The following MREG variants were observed in gnomAD, a reference collection of about 807,000 sequenced individuals.
The protein encoded by MREG is dilute suppressor protein homolog.
Under a neutral mutation model 28.5 loss-of-function variants are expected in MREG, and 31 were observed. The ratio of observed to expected loss-of-function variants is 1.09; its 90% CI spans 0.82 to 1.47. The LOEUF (loss-of-function observed/expected upper bound fraction) is 1.47. MREG is among the 40% of genes most tolerant of loss of function. The pLI is 0.00. For synonymous variants in MREG, 106 were observed against 95.2 expected, an observed-to-expected ratio of 1.11 and a Z score of -0.66; for missense variants, 256 against 257.4, an observed-to-expected ratio of 0.99 and a Z score of 0.04.
intron 2 of MREG, among the ~76,000 whole-genome samples, chr2:215,983,027 C>A (rs930233762): frequency 1.3e-5 from 2 of 152,170 alleles, no homozygotes; most frequent in African/African-American, 4.8e-5. Context: ...ATCCTCTAAA[C>A]CCAAATAGTC....
chr2:215,999,810 G>T (rs1024408250), intron 1 of MREG, among the ~76,000 whole-genome samples: 3 of 152,196 alleles, frequency 2.0e-5, no homozygotes, highest in Admixed American at 6.5e-5. Context: ...CGGCTGACAT[G>T]ATGAGCCTGC....
chr2:215,947,425 C>A (rs1692350765), intron 2 of MREG, among the ~76,000 whole-genome samples: 1 of 152,132 alleles, frequency 6.6e-6, no homozygotes, highest in African/African-American at 2.4e-5. Context: ...ATAAATATTC[C>A]ATTTAAGAAT....
intron 1 of MREG, among the ~76,000 whole-genome samples, chr2:216,010,331 G>C (rs1268639697): frequency 6.9e-6 from 1 of 145,586 alleles, no homozygotes; most frequent in African/African-American, 2.6e-5. Context: ...TTGGCTTCTA[G>C]AACTGTGAAA....
chr2:216,013,335 G>C lies in MREG; in HGVS notation c.-8C>G. The C allele has an allele frequency of 1.3e-6, 2 of 1,518,898 alleles. No homozygotes were observed. Among genetic ancestry groups the C allele is most frequent in the Non-Finnish European group, 1.8e-6 (2 of 1,133,464 alleles). 94.1% of individuals were successfully genotyped at this position (1,518,898 alleles called of 1,614,324 possible). The stretch of plus-strand genomic sequence containing the variant: ...CCAGTCCCTCAGCCCCATGGAGAGC[G>C]AGGGCCCCCACCGGCGCCGGAAGCC... On this transcript the variant is annotated 5_prime_UTR_variant, in exon 1 of 5. Coordinates refer to ENST00000263268, the MANE Select transcript of MREG (RefSeq NM_018000.3).
chr2:215,962,427 T>C (rs1469186979), intron 2 of MREG, among the ~76,000 whole-genome samples: 1 of 152,350 alleles, frequency 6.6e-6, no homozygotes, highest in East Asian at 1.9e-4. Context: ...ATTTTCCATG[T>C]GATATTGTTA....
intron 1 of MREG, among the ~76,000 whole-genome samples, chr2:216,024,470 C>T (rs897144732): frequency 2.0e-5 from 3 of 151,890 alleles, no homozygotes; most frequent in South Asian, 2.1e-4. Flanking sequence ...AAGGACGCCC[C>T]GTGCCCTCTC....
At chr2:215,997,138 GTT>G (rs1693895688) in intron 1 of MREG, among the ~76,000 whole-genome samples, 1 of 152,164 alleles carries the variant, frequency 6.6e-6, no homozygotes, top group Non-Finnish European at 1.5e-5. Flanking sequence ...AGGGATGAAT[GTT>G]TGACTGGCTC....
chr2:215,991,754 A>G (rs1483959231), intron 2 of MREG, among the ~76,000 whole-genome samples: 1 of 152,228 alleles, frequency 6.6e-6, no homozygotes, highest in East Asian at 1.9e-4. Flanking sequence ...CCCGTCAGAA[A>G]ATACTATAAA....
chr2:216,004,224 C>G (rs974878000), intron 1 of MREG, among the ~76,000 whole-genome samples: 9 of 152,232 alleles, frequency 5.9e-5, no homozygotes, highest in African/African-American at 2.2e-4. Context: ...ACCTCCTCAA[C>G]AAGGCCTGCC....
intron 2 of MREG, among the ~76,000 whole-genome samples, chr2:215,948,061 A>T (rs770927116): frequency 5.3e-5 from 8 of 152,218 alleles, no homozygotes; most frequent in African/African-American, 1.9e-4. Context: ...CATCATTCTA[A>T]ATGCTCAATT....
chr2:215,986,144 T>G lies in MREG; in HGVS notation c.255+10162A>C, dbSNP rs74848022. ...AACGTCTTTACATATCAATAGCTCA[T>G]AGGCATATTTTATTTTATTTTAAGC... On this transcript the variant is annotated intron_variant, in intron 2 of 4. Transcript: ENST00000263268. Among the ~76,000 whole-genome samples the G allele has an allele frequency of 2.9e-3, 440 of 152,324 alleles. 1 individual carries two copies. The highest frequency in any genetic ancestry group is 0.01 in the African/African-American group (419 of 41,582).
At chr2:215,955,494 A>G (rs1692600640) in intron 2 of MREG, among the ~76,000 whole-genome samples, 1 of 152,204 alleles carries the variant, frequency 6.6e-6, no homozygotes, top group Non-Finnish European at 1.5e-5. Context: ...CAATGACAAC[A>G]CTGCATTACA....
At chr2:215,987,206 T>G (rs559100846) in intron 2 of MREG, among the ~76,000 whole-genome samples, 2 of 152,034 alleles carry the variant, frequency 1.3e-5, no homozygotes, top group South Asian at 4.2e-4. Flanking sequence ...CGATCCAATC[T>G]GTAGGGAAAA....
intron 2 of MREG, among the ~76,000 whole-genome samples, chr2:215,967,647 T>G (rs1409147644): frequency 6.6e-6 from 1 of 152,236 alleles, no homozygotes; most frequent in Non-Finnish European, 1.5e-5. Context: ...CCAAGCCTAC[T>G]GAGCACCAAG....
At chr2:215,964,606 A>C (rs895597668) in intron 2 of MREG, among the ~76,000 whole-genome samples, 7 of 152,216 alleles carry the variant, frequency 4.6e-5, no homozygotes, top group African/African-American at 1.7e-4. Flanking sequence ...AGAAATTCTC[A>C]AACAATGAAC....
At chr2:216,005,850 A>G (rs907163959) in intron 1 of MREG, among the ~76,000 whole-genome samples, 3 of 151,722 alleles carry the variant, frequency 2.0e-5, no homozygotes, top group Non-Finnish European at 2.9e-5. Flanking sequence ...TGTAAAAAAA[A>G]AAAAAAAAAA....
chr2:216,006,248 C>G (rs1049779754), intron 1 of MREG, among the ~76,000 whole-genome samples: 4 of 152,152 alleles, frequency 2.6e-5, no homozygotes, highest in Non-Finnish European at 5.9e-5. Flanking sequence ...TGTGGCTTGC[C>G]GGGGAAGAAA....
chr2:215,983,273 G>C (rs1290094714), intron 2 of MREG, among the ~76,000 whole-genome samples: 1 of 152,154 alleles, frequency 6.6e-6, no homozygotes, highest in Non-Finnish European at 1.5e-5. Context: ...TCCAATTCTT[G>C]GGGACATATT....
intron 1 of MREG, among the ~76,000 whole-genome samples, chr2:216,020,255 T>C (rs1265268054): frequency 6.6e-6 from 1 of 152,214 alleles, no homozygotes; most frequent in African/African-American, 2.4e-5. Context: ...ATGTACTGCC[T>C]CAAGTAACTG....
Sources: gnomAD v4.1 joint callset for allele counts (sites outside exome capture counted in the v4.1 genomes callset) on GRCh38, gnomAD v4.1.1 for gene constraint, MANE v1.5 for transcripts, NCBI Gene and HGNC (gene_info 2026-07-23, HGNC 2026-07-21) for gene names.